NIPAL3: variants seen among roughly 807,000 people sequenced by gnomAD.
NIPAL3 encodes NIPA-like protein 3.
A neutral mutation model predicts 47.2 loss-of-function variants in NIPAL3; 41 were observed. That is an observed-to-expected ratio of 0.87 (90% CI 0.68 to 1.13). The LOEUF is 1.13. Ranked by LOEUF, NIPAL3 falls within the 50% of genes most tolerant of loss-of-function variation. The pLI is 0.00. For synonymous variants in NIPAL3, 194 were observed against 209.6 expected (o/e 0.93, Z 0.64); for missense variants, 449 against 530.1 (o/e 0.85, Z 1.50).
At chr1:24,428,279 AGAGAGAGAG>A (rs1644708988) in intron 2 of NIPAL3, among the ~76,000 whole-genome samples, 3 of 150,976 alleles carry the variant, frequency 2.0e-5, no homozygotes, top group Non-Finnish European at 4.4e-5. Flanking sequence ...AGAGAGAGAG[AGAGAGAGAG>A]AGAGAGAGAG....
At position 24,448,051 on chromosome 1, in the gene NIPAL3, A is replaced by G. The variant is rs556480853; in HGVS notation, c.395-1430A>G. On this transcript the variant is annotated intron_variant, in intron 5 of 11. Coordinates refer to ENST00000374399, the MANE Select transcript of NIPAL3 (RefSeq NM_020448.5). ...TTTAGATAACAGACCTACTTTATTG[A>G]GTTTAACCGTGGCTCATTCATTCAT... Among the ~76,000 whole-genome samples, 7 of 152,356 alleles carry G rather than the reference A, an allele frequency of 4.6e-5. No homozygotes were observed. In the South Asian group the frequency reaches 1.5e-3, roughly 32 times the overall value.
At chr1:24,428,290 G>GAGAGAGAGAGAGAGAT (rs1557491592) in intron 2 of NIPAL3, among the ~76,000 whole-genome samples, 1 of 151,004 alleles carries the variant, frequency 6.6e-6, no homozygotes, top group African/African-American at 2.4e-5. Context: ...GAGAGAGAGA[G>GAGAGAGAGAGAGAGAT]AGAGAGAGAG....
At chr1:24,440,466 G>A (rs1645327728) in intron 3 of NIPAL3, among the ~76,000 whole-genome samples, 1 of 152,176 alleles carries the variant, frequency 6.6e-6, no homozygotes, top group African/African-American at 2.4e-5. Flanking sequence ...CTCTCCTTGG[G>A]CTTTGCAGTG....
intron 2 of NIPAL3, among the ~76,000 whole-genome samples, chr1:24,430,294 G>GT (rs1644820744): frequency 2.0e-5 from 3 of 150,126 alleles, no homozygotes; most frequent in Non-Finnish European, 4.4e-5. Context: ...CCAGGCTGGA[G>GT]TGCAGGAGTG....
At chr1:24,428,252 A>G (rs1039678675) in intron 2 of NIPAL3, among the ~76,000 whole-genome samples, 3 of 66,910 alleles carry the variant, frequency 4.5e-5, no homozygotes, top group Non-Finnish European at 9.9e-5. Context: ...CCCTGTCTCA[A>G]AAAGAAAGAG....
intron 8 of NIPAL3, chr1:24,457,590 A>G: frequency 2.7e-6 from 1 of 373,618 alleles, no homozygotes; most frequent in South Asian, 2.0e-5. Flanking sequence ...CCTTTGATGT[A>G]CAGGATATTA....
intron 2 of NIPAL3, among the ~76,000 whole-genome samples, chr1:24,424,119 C>A (rs1644465352): frequency 6.6e-6 from 1 of 152,128 alleles, no homozygotes; most frequent in Non-Finnish European, 1.5e-5. Context: ...CATGCCAGAG[C>A]AAAGCTGAAT....
chr1:24,462,767 G>GA (rs1646529603), intron 10 of NIPAL3, among the ~76,000 whole-genome samples: 1 of 148,108 alleles, frequency 6.8e-6, no homozygotes, highest in Non-Finnish European at 1.5e-5. Context: ...ACTCAGTCTC[G>GA]AAAAAAAATA....
chr1:24,460,718 T>C (rs1557533295), intron 10 of NIPAL3, among the ~76,000 whole-genome samples, 174 bp downstream of exon 10: 1 of 152,210 alleles, frequency 6.6e-6, no homozygotes, highest in Non-Finnish European at 1.5e-5. Context: ...GGGCTTTATC[T>C]TCCCCTTCTC....
intron 4 of NIPAL3, among the ~76,000 whole-genome samples, 170 bp from the exon 5 acceptor site, chr1:24,445,015 C>T (rs1645589191): frequency 6.6e-6 from 1 of 152,180 alleles, no homozygotes; most frequent in Non-Finnish European, 1.5e-5. Flanking sequence ...CTCTCTGAGC[C>T]TCCCTTTCCT....
chr1:24,444,508 A>G (rs556444743), intron 4 of NIPAL3, among the ~76,000 whole-genome samples: 8 of 152,212 alleles, frequency 5.3e-5, no homozygotes, highest in Non-Finnish European at 1.0e-4. Flanking sequence ...TTAACATTCT[A>G]TGAGCTGGTG....
Position 24,469,235 on chromosome 1 carries a change from C to T in NIPAL3, c.*50C>T, listed in dbSNP as rs375070709. 765 of 1,503,194 alleles carry T rather than the reference C, an allele frequency of 5.1e-4. No homozygotes were observed. Among genetic ancestry groups the T allele is most frequent in the Non-Finnish European group, 6.8e-4 (748 of 1,099,448 alleles). 93.1% of individuals were successfully genotyped at this position (1,503,194 alleles called of 1,614,324 possible). ...TGTCCCCTCCAGGCTGACAGTGGTT[C>T]AACCCTGAATCCTAAAACTTGCCTT... is the stretch of plus-strand genomic sequence containing the variant. On this transcript the variant is annotated 3_prime_UTR_variant, in exon 12 of 12. Coordinates refer to ENST00000374399, the MANE Select transcript of NIPAL3 (RefSeq NM_020448.5).
chr1:24,436,987 C>G (rs1645144697), intron 2 of NIPAL3, among the ~76,000 whole-genome samples: 1 of 152,062 alleles, frequency 6.6e-6, no homozygotes. Flanking sequence ...CGTGGTGGCT[C>G]ACGCCTGTAA....
rs1461619350 is a variant in NIPAL3, at chr1:24,469,857, C to T, written c.*672C>T. The T allele has an allele frequency of 6.6e-6, 1 of 152,234 alleles. No homozygotes were observed. Among genetic ancestry groups the T allele is most frequent in the East Asian group, 1.9e-4 (1 of 5,198 alleles). 9.4% of individuals were successfully genotyped at this position (152,234 alleles called of 1,614,324 possible). Reference sequence around the variant, plus strand: ...GTGAGGACTACTTGTTTGTCCACCTCCTCCACCAAAGGAATTAGGAAGTTA... The same window carrying T: ...GTGAGGACTACTTGTTTGTCCACCTTCTCCACCAAAGGAATTAGGAAGTTA... On this transcript the variant is annotated 3_prime_UTR_variant, in exon 12 of 12. Coordinates refer to ENST00000374399, the MANE Select transcript of NIPAL3 (RefSeq NM_020448.5).
At chr1:24,419,668 T>G in intron 2 of NIPAL3, 28 bp downstream of exon 2, 3 of 1,602,442 alleles carry the variant, frequency 1.9e-6, no homozygotes, top group Non-Finnish European at 2.6e-6. Context: ...GTTTGGGAAT[T>G]TGTATTTTCC....
intron 9 of NIPAL3, among the ~76,000 whole-genome samples, chr1:24,460,211 T>C (rs1646405683): frequency 6.6e-6 from 1 of 152,050 alleles, no homozygotes; most frequent in Admixed American, 6.6e-5. Context: ...GAAGGGTGCA[T>C]GGGAACTCTA....
chr1:24,419,722 G>A, intron 2 of NIPAL3, 82 bp downstream of exon 2: 5 of 1,202,846 alleles, frequency 4.2e-6, no homozygotes, highest in Non-Finnish European at 6.0e-6. Context: ...TAACAGATAT[G>A]TATGGGGTCT....
rs1645936452 is a variant in NIPAL3, at chr1:24,451,523, C to T, written c.541-1885C>T. ...CCAGTGTGGGCAATGTGGCAAAACC[C>T]CGTCTCTATTTGGAAAAAAAAAAGT... On this transcript the variant is annotated intron_variant, in intron 6 of 11. Coordinates refer to ENST00000374399, the MANE Select transcript of NIPAL3 (RefSeq NM_020448.5). This position sits in a 1 kb window ranked among gnomAD's most constrained non-coding sequence, Gnocchi z 4.5. Among the ~76,000 whole-genome samples, 1 of 151,792 alleles carries T rather than the reference C, an allele frequency of 6.6e-6. No individual in the cohort carries two copies. The highest frequency in any genetic ancestry group is 6.6e-5 in the Admixed American group (1 of 15,214).
At position 24,416,715 on chromosome 1, in the gene NIPAL3, A is replaced by G. The variant is rs1644059668; in HGVS notation, c.-258+811A>G. 1 of 152,186 alleles carries G rather than the reference A, an allele frequency of 6.6e-6. No homozygotes were observed. The highest frequency in any genetic ancestry group is 2.4e-5 in the African/African-American group (1 of 41,422). 9.4% of individuals were successfully genotyped at this position (152,186 alleles called of 1,614,324 possible). Reference sequence around the variant, plus strand: ...TCGAAATCAGGAAAAGAGAGTCACCAGGTGAAAAGTATGTGTCTTATAAGG... The same window carrying G: ...TCGAAATCAGGAAAAGAGAGTCACCGGGTGAAAAGTATGTGTCTTATAAGG... On this transcript the variant is annotated intron_variant, in intron 1 of 11. Coordinates refer to ENST00000374399, the MANE Select transcript of NIPAL3 (RefSeq NM_020448.5). This position sits in a 1 kb window ranked among gnomAD's most constrained non-coding sequence, Gnocchi z 4.8.
Sources: allele counts gnomAD v4.1 joint callset (sites outside exome capture counted in the v4.1 genomes callset), GRCh38; gene constraint gnomAD v4.1.1; non-coding constraint Gnocchi (gnomAD v3.1); transcripts MANE v1.5; gene names NCBI Gene and HGNC (gene_info 2026-07-23, HGNC 2026-07-21).